The following FARP2 variants were observed in gnomAD, a reference collection of about 807,000 sequenced individuals.
FARP2 encodes FERM, ARHGEF and pleckstrin domain-containing protein 2.
FARP2 carries 111 observed loss-of-function variants against 130.5 expected under a neutral mutation model. The observed-to-expected ratio is 0.85, with a 90% CI of 0.73 to 1.00. FARP2 has a LOEUF of 1.00. Ranked by LOEUF, FARP2 falls within the 50% of genes least tolerant of loss-of-function variation. The probability of loss-of-function intolerance (pLI) is 0.00; values close to 1 mark genes in which losing one functional copy is unlikely to be tolerated. For missense variants in FARP2, 1,385 were observed against 1,346.3 expected, an observed-to-expected ratio of 1.03 and a Z score of -0.45; for synonymous variants, 504 against 516.9, an observed-to-expected ratio of 0.98 and a Z score of 0.34.
intron 9 of FARP2, chr2:241,432,230 C>T (rs1206476722): frequency 6.5e-6 from 1 of 152,804 alleles, no homozygotes; most frequent in Non-Finnish European, 1.5e-5. Context: ...CACAAGAACT[C>T]AAGGACAGGA....
chr2:241,397,005 T>TA (rs1298151158), intron 2 of FARP2, among the ~76,000 whole-genome samples: 2 of 152,160 alleles, frequency 1.3e-5, no homozygotes, highest in Admixed American at 6.5e-5. Flanking sequence ...TATGCAGCCA[T>TA]AAAAAATGAT....
chr2:241,406,441 C>T (rs968309232), intron 4 of FARP2, among the ~76,000 whole-genome samples: 6 of 151,644 alleles, frequency 4.0e-5, no homozygotes, highest in Admixed American at 2.6e-4. Flanking sequence ...AGAGAGAGCA[C>T]GCGCATGTTT....
chr2:241,444,629 C>A (rs1474971094), intron 13 of FARP2: 1 of 152,156 alleles, frequency 6.6e-6, no homozygotes, highest in Admixed American at 6.6e-5. Context: ...TGGGATCATG[C>A]CCCTACCCCA....
At chr2:241,371,336 T>C (rs772516551) in intron 1 of FARP2, among the ~76,000 whole-genome samples, 7 of 152,150 alleles carry the variant, frequency 4.6e-5, no homozygotes, top group Non-Finnish European at 8.8e-5. Context: ...TACAAAAAAT[T>C]AGCTGGGTGT....
rs779735996 is a variant in FARP2, at chr2:241,475,911, G to A, written c.2186G>A (p.Arg729Gln). 3.1e-5 allele frequency: 50 copies of A among 1,613,832 alleles called. No individual in the cohort carries two copies. The highest frequency in any genetic ancestry group is 4.4e-5 in the South Asian group (4 of 91,062). The change falls in exon 19 of 27, where the codon CGG becomes CAG. Residue 729 changes from arginine (R) to glutamine (Q), a missense_variant. Coordinates refer to ENST00000264042, the MANE Select transcript of FARP2 (RefSeq NM_014808.4). This position sits in a 1 kb window ranked among gnomAD's most constrained non-coding sequence, Gnocchi z 4.4. ...ACCACACTACAGCACATTCTCATCC[G>A]GCTGGAGAACCTGCAGAAGCTAACG... ...VTTTLQHILI[R>Q]LENLQKLTEL... is the part of the protein sequence containing the mutation.
rs57132205 is a variant in FARP2 at position 241,395,207 on chromosome 2, C to T, written c.184-8621C>T. 1.2e-3 allele frequency among the ~76,000 whole-genome samples: 179 copies of T among 152,282 alleles called. 1 individual carries two copies. Among genetic ancestry groups the T allele is most frequent in the African/African-American group, 3.9e-3 (162 of 41,558 alleles). ...CTGTTCCTTGTGATCAACTCAGGAG[C>T]CACAAAGGGCCTGGAGAATATCTGC... On this transcript the variant is annotated intron_variant, in intron 2 of 26. Transcript: ENST00000264042.
chr2:241,475,987 G>A lies in FARP2; in HGVS notation c.2262G>A (p.Arg754=), dbSNP rs751848244. 1 of 1,609,214 alleles carries A rather than the reference G, an allele frequency of 6.2e-7. No individual in the cohort carries two copies. Among genetic ancestry groups the A allele is most frequent in the Non-Finnish European group, 8.5e-7 (1 of 1,178,214 alleles). Residue 754 remains arginine (R), a splice_region_variant and synonymous_variant, in exon 19 of 27, where the codon AGG becomes AGA. Coordinates refer to ENST00000264042, the MANE Select transcript of FARP2 (RefSeq NM_014808.4). This position sits in a 1 kb window ranked among gnomAD's most constrained non-coding sequence, Gnocchi z 4.4. ...VGIENLIAPG[R]EFIREGCLHK... ...TAGAGAACCTCATTGCTCCTGGCAG[G>A]GTGAGTGACCTTGCTCTGGGAATGT...
At chr2:241,458,719 A>T (rs957193644) in intron 14 of FARP2, among the ~76,000 whole-genome samples, 1 of 152,118 alleles carries the variant, frequency 6.6e-6, no homozygotes, top group Non-Finnish European at 1.5e-5. Context: ...TGTTATTAAG[A>T]CTAAATTTTA....
chr2:241,455,898 C>A (rs2150453250), intron 13 of FARP2, among the ~76,000 whole-genome samples: 1 of 152,038 alleles, frequency 6.6e-6, no homozygotes, highest in South Asian at 2.1e-4. Flanking sequence ...TGCCACCATG[C>A]CCGGCTAATT....
chr2:241,360,084 C>T (rs1187288384), intron 1 of FARP2, among the ~76,000 whole-genome samples: 5 of 152,168 alleles, frequency 3.3e-5, no homozygotes, highest in Admixed American at 6.5e-5. Context: ...ACTTAAATCA[C>T]CATTTAATAT....
chr2:241,412,989 T>C (rs1448928195), intron 6 of FARP2, among the ~76,000 whole-genome samples: 3 of 152,148 alleles, frequency 2.0e-5, no homozygotes, highest in Admixed American at 6.5e-5. Flanking sequence ...GATTGCACCA[T>C]TGCACTCCAG....
In FARP2 at chr2:241,466,698, C is replaced by T. The variant is rs13425582; in HGVS notation, c.1894-1442C>T. The T allele has an allele frequency of 1.9e-4, 118 of 629,756 alleles. 1 individual carries two copies. Among genetic ancestry groups the T allele is most frequent in the Non-Finnish European group, 2.1e-4 (110 of 514,922 alleles). The allele number at this position is 629,756 out of a possible 1,614,324, so 39.0% of individuals were successfully genotyped here. A position where few individuals can be genotyped will look rare whatever the true frequency, so the allele number is the denominator to read the frequency against. The stretch of plus-strand genomic sequence containing the variant: ...CACTCCCCTTCCAACCACCCCCCCC[C>T]CCACCACCACCACCCGTACCCTCCT... On this transcript the variant is annotated intron_variant, in intron 17 of 26. Coordinates refer to ENST00000264042, the MANE Select transcript of FARP2 (RefSeq NM_014808.4).
chr2:241,464,144 C>T (rs2064103731), intron 17 of FARP2, among the ~76,000 whole-genome samples, 164 bp downstream of exon 17: 1 of 150,670 alleles, frequency 6.6e-6, no homozygotes, highest in Non-Finnish European at 1.5e-5. Flanking sequence ...CCCCTCAGAG[C>T]AGGATCCCTC....
chr2:241,395,915 A>T (rs967062247), intron 2 of FARP2: 1 of 152,184 alleles, frequency 6.6e-6, no homozygotes, highest in African/African-American at 2.4e-5. Context: ...TGGTGATCTA[A>T]TTATTGATCA....
At chr2:241,452,824 C>T (rs1574852870) in intron 13 of FARP2, among the ~76,000 whole-genome samples, 3 of 151,054 alleles carry the variant, frequency 2.0e-5, no homozygotes, top group Admixed American at 2.0e-4. Context: ...ATGTGTAGTC[C>T]CAGCTACTCG....
At chr2:241,416,334 G>A (rs989175391) in intron 7 of FARP2, among the ~76,000 whole-genome samples, 10 of 152,222 alleles carry the variant, frequency 6.6e-5, no homozygotes, top group African/African-American at 2.2e-4. Context: ...AACTCTTGCC[G>A]AATAAGCCCG....
At chr2:241,413,810 G>T (rs540194684) in intron 7 of FARP2, among the ~76,000 whole-genome samples, 1 of 152,166 alleles carries the variant, frequency 6.6e-6, no homozygotes, top group African/African-American at 2.4e-5. Context: ...TGGGCTAATG[G>T]CAGGCACCTG....
At chr2:241,390,104 T>C (rs2061872371) in intron 2 of FARP2, among the ~76,000 whole-genome samples, 2 of 152,198 alleles carry the variant, frequency 1.3e-5, no homozygotes, top group Admixed American at 6.5e-5. Context: ...CTTTGATAAG[T>C]GTTCTTAGGG....
chr2:241,361,922 T>C (rs1412329520), intron 1 of FARP2, among the ~76,000 whole-genome samples: 3 of 151,802 alleles, frequency 2.0e-5, no homozygotes, highest in Admixed American at 2.0e-4. Context: ...TTAGACAGAG[T>C]TTCACTCTGT....
Sources: allele counts gnomAD v4.1 joint callset (sites outside exome capture counted in the v4.1 genomes callset), GRCh38; gene constraint gnomAD v4.1.1; non-coding constraint Gnocchi (gnomAD v3.1); transcripts MANE v1.5; gene names NCBI Gene and HGNC (gene_info 2026-07-23, HGNC 2026-07-21).